The following NDC1 variants were observed in gnomAD, a reference collection of about 807,000 sequenced individuals.
The protein encoded by NDC1 is NDC1 transmembrane nucleoporin.
NDC1 carries 24 observed loss-of-function variants against 89.8 expected under a neutral mutation model. The ratio of observed to expected loss-of-function variants is 0.27; its 90% CI spans 0.19 to 0.38. NDC1 has a LOEUF of 0.38. NDC1 is among the 10% of genes least tolerant of loss of function. The pLI is 1.00. For synonymous variants in NDC1, 296 were observed against 284.8 expected (o/e 1.04, Z -0.39); for missense variants, 728 against 797.6 (o/e 0.91, Z 1.05).
chr1:53,773,262 T>C (rs1320894647), intron 16 of NDC1, among the ~76,000 whole-genome samples: 4 of 152,190 alleles, frequency 2.6e-5, no homozygotes, highest in African/African-American at 9.7e-5. Flanking sequence ...GTACTATTTA[T>C]AGTTATGAAT....
intron 5 of NDC1, among the ~76,000 whole-genome samples, chr1:53,820,327 T>C (rs1648622907): frequency 6.6e-6 from 1 of 151,576 alleles, no homozygotes; most frequent in Admixed American, 6.6e-5. Context: ...AGTTTATGAA[T>C]TTATGTTGGG....
At chr1:53,813,179 C>T (rs1209997633) in intron 6 of NDC1, among the ~76,000 whole-genome samples, 1 of 152,076 alleles carries the variant, frequency 6.6e-6, no homozygotes, top group East Asian at 1.9e-4. Context: ...CAAACAGGAC[C>T]TATAAAACAA....
At chr1:53,814,302 T>C (rs1648408796) in intron 6 of NDC1, among the ~76,000 whole-genome samples, 1 of 151,772 alleles carries the variant, frequency 6.6e-6, no homozygotes, top group African/African-American at 2.4e-5. Flanking sequence ...TTGCAGTGAG[T>C]CAAGATCGCG....
At chr1:53,794,770 G>A (rs1647639654) in intron 13 of NDC1, among the ~76,000 whole-genome samples, 1 of 152,112 alleles carries the variant, frequency 6.6e-6, no homozygotes, top group Non-Finnish European at 1.5e-5. Context: ...AGCTACTCAG[G>A]AGGCTGAGGT....
chr1:53,810,851 G>A (rs559532363), intron 6 of NDC1, among the ~76,000 whole-genome samples: 5 of 152,326 alleles, frequency 3.3e-5, no homozygotes, highest in Admixed American at 6.5e-5. Context: ...GCTCCAGATC[G>A]ACTGCAAGAA....
chr1:53,824,234 G>GAA (rs752108016), intron 5 of NDC1, among the ~76,000 whole-genome samples: 1 of 83,988 alleles, frequency 1.2e-5, no homozygotes, highest in African/African-American at 4.6e-5. Flanking sequence ...AACCTTTCTC[G>GAA]AAAAAAAAAA....
In NDC1 at chr1:53,800,835, G is replaced by T; in HGVS notation, c.1080C>A (p.His360Gln). Residue 360 changes from histidine (H) to glutamine (Q), a missense_variant, in exon 11 of 18, where the codon CAC (histidine) becomes CAA (glutamine). Physicochemically the swap from His to Gln is conservative, Grantham distance 24. Coordinates refer to ENST00000371429, the MANE Select transcript of NDC1 (RefSeq NM_018087.5). Reference sequence around the variant, plus strand: ...ACTCCCTTGAAATGGCTGTCCAATTGTGGGGATGTCCACCTAGGAGGTCCA... The same window carrying T: ...ACTCCCTTGAAATGGCTGTCCAATTTTGGGGATGTCCACCTAGGAGGTCCA... Reference protein sequence around the residue: ...FSLSQPGGHPHNWTAISRECL... With the variant: ...FSLSQPGGHPQNWTAISRECL... 3.1e-6 allele frequency: 5 copies of T among 1,598,854 alleles called. No individual in the cohort carries two copies. Among genetic ancestry groups the T allele is most frequent in the Non-Finnish European group, 4.3e-6 (5 of 1,172,758 alleles).
intron 7 of NDC1, among the ~76,000 whole-genome samples, chr1:53,809,414 C>A (rs1480367675): frequency 6.6e-6 from 1 of 152,048 alleles, no homozygotes; most frequent in Non-Finnish European, 1.5e-5. Context: ...TGCAGTGGCA[C>A]AATTATAGCT....
chr1:53,835,510 C>T lies in NDC1; in HGVS notation c.168G>A (p.Gln56=). 6.2e-7 allele frequency: 1 copy of T among 1,610,102 alleles called. No individual in the cohort carries two copies. The highest frequency in any genetic ancestry group is 1.1e-5 in the South Asian group (1 of 89,974). The change falls in exon 2 of 18, where the codon CAG becomes CAA. Residue 56 remains glutamine (Q), a synonymous_variant. Coordinates refer to ENST00000371429, the MANE Select transcript of NDC1 (RefSeq NM_018087.5). The part of the protein sequence containing the change: ...FSRIDLFHPI[Q]WLSDSFSDLY... ...TTGAGTATCACCTACCAGACAGCCA[C>T]TGTATAGGATGAAACAAATCAATCC...
intron 1 of NDC1, among the ~76,000 whole-genome samples, chr1:53,836,897 G>A (rs192029629): frequency 2.0e-5 from 3 of 152,130 alleles, no homozygotes; most frequent in Non-Finnish European, 4.4e-5. Flanking sequence ...TTTGGCAATG[G>A]TTTCTTAGAT....
intron 9 of NDC1, among the ~76,000 whole-genome samples, chr1:53,804,895 T>A (rs183442032): frequency 2.1e-4 from 32 of 152,170 alleles, no homozygotes; most frequent in Middle Eastern, 6.8e-3. Flanking sequence ...CCAAGCTGAA[T>A]AAGAGGTCCC....
At position 53,830,492 on chromosome 1, in the gene NDC1, C is replaced by T. The variant is rs564451996; in HGVS notation, c.280+1998G>A. 9.2e-5 allele frequency among the ~76,000 whole-genome samples: 14 copies of T among 152,020 alleles called. No homozygotes were observed. The South Asian group carries it at 1.5e-3, about 16-fold the overall frequency. On this transcript the variant is annotated intron_variant, in intron 3 of 17. Transcript: ENST00000371429. ...AGAAAGCAAGCAAGGGAAAAGGATA[C>T]GTATTGTAACATCCAAAGTCAGAAT...
chr1:53,820,897 G>C (rs900355765), intron 5 of NDC1, among the ~76,000 whole-genome samples: 3 of 150,886 alleles, frequency 2.0e-5, no homozygotes, highest in African/African-American at 7.3e-5. Flanking sequence ...GTAGAGATGG[G>C]GTTTTGCCAT....
chr1:53,774,373 G>A (rs1647144189), intron 16 of NDC1, among the ~76,000 whole-genome samples: 1 of 152,088 alleles, frequency 6.6e-6, no homozygotes, highest in Non-Finnish European at 1.5e-5. Context: ...GAGTTATCGT[G>A]GCAGATTGAA....
chr1:53,837,585 G>A (rs1570247409), intron 1 of NDC1, among the ~76,000 whole-genome samples: 1 of 151,410 alleles, frequency 6.6e-6, no homozygotes, highest in Non-Finnish European at 1.5e-5. Context: ...AAAAAAAAAA[G>A]ATAAGACTTA....
intron 3 of NDC1, among the ~76,000 whole-genome samples, chr1:53,830,778 C>T (rs1228133998): frequency 2.0e-5 from 3 of 151,674 alleles, no homozygotes; most frequent in African/African-American, 7.3e-5. Flanking sequence ...AGGAGAATCG[C>T]TTGAAACCGG....
At position 53,816,981 on chromosome 1, in the gene NDC1, T is replaced by C. The variant is rs564182677; in HGVS notation, c.703+1990A>G. ...TCCAAGAATGGCCATAATCAAAAAA[T>C]CAAAAAACAGTAGATGTTGGCGTGG... is the stretch of plus-strand genomic sequence containing the variant. On this transcript the variant is annotated intron_variant, in intron 6 of 17. Coordinates refer to ENST00000371429, the MANE Select transcript of NDC1 (RefSeq NM_018087.5). 2.0e-5 allele frequency among the ~76,000 whole-genome samples: 3 copies of C among 151,982 alleles called. No individual in the cohort carries two copies. The South Asian group carries it at 6.2e-4, about 32-fold the overall frequency.
intron 6 of NDC1, among the ~76,000 whole-genome samples, chr1:53,813,551 T>C (rs766605375): frequency 4.6e-5 from 7 of 152,126 alleles, no homozygotes; most frequent in Non-Finnish European, 1.0e-4. Flanking sequence ...TTATATAATG[T>C]TAAAAGGTCT....
intron 1 of NDC1, among the ~76,000 whole-genome samples, chr1:53,837,238 T>C (rs994970331): frequency 7.2e-5 from 11 of 152,138 alleles, no homozygotes; most frequent in Non-Finnish European, 8.8e-5. Context: ...AAGACCAGGC[T>C]GGAGAAGATA....
Sources: allele counts gnomAD v4.1 joint callset (sites outside exome capture counted in the v4.1 genomes callset), GRCh38; gene constraint gnomAD v4.1.1; transcripts MANE v1.5; gene names NCBI Gene and HGNC (gene_info 2026-07-23, HGNC 2026-07-21).